The following TSPAN2 variants were observed in gnomAD, a reference collection of about 807,000 sequenced individuals.
TSPAN2 encodes the protein tetraspanin-2.
In TSPAN2, 24 loss-of-function variants were observed where a neutral mutation model predicts 33.3. The ratio of observed to expected loss-of-function variants is 0.72; its 90% CI spans 0.52 to 1.01. TSPAN2 has a LOEUF of 1.01. Among genes scored for constraint, TSPAN2 ranks in the 50% least tolerant of loss-of-function variants. TSPAN2 has a pLI of 0.00. For synonymous variants in TSPAN2, 114 were observed against 104.5 expected (o/e 1.09, Z -0.56); for missense variants, 278 against 281.3 (o/e 0.99, Z 0.08).
chr1:115,070,797 C>T (rs762509445), intron 2 of TSPAN2, among the ~76,000 whole-genome samples: 22 of 152,178 alleles, frequency 1.4e-4, no homozygotes, highest in Non-Finnish European at 2.9e-5. Flanking sequence ...ACTTAGCTGG[C>T]ATTTAGTCAC....
intron 6 of TSPAN2, among the ~76,000 whole-genome samples, chr1:115,055,171 A>G (rs532011925): frequency 6.6e-6 from 1 of 152,262 alleles, no homozygotes; most frequent in South Asian, 2.1e-4. Context: ...AATCAAAACA[A>G]ACAAAACAAC....
At chr1:115,051,233 C>A (rs1675307377) in intron 7 of TSPAN2, among the ~76,000 whole-genome samples, 1 of 151,944 alleles carries the variant, frequency 6.6e-6, no homozygotes, top group African/African-American at 2.4e-5. Flanking sequence ...TTATTGAGCC[C>A]AGGAGGTCGA....
chr1:115,053,286 C>T (rs917104790), intron 7 of TSPAN2, 93 bp downstream of exon 7: 1 of 1,116,772 alleles, frequency 9.0e-7, no homozygotes, highest in South Asian at 1.4e-5. Context: ...TGAGAATTCT[C>T]TCTTAAGATA....
intron 3 of TSPAN2, among the ~76,000 whole-genome samples, chr1:115,061,885 C>A (rs1647739477): frequency 6.6e-6 from 1 of 152,190 alleles, no homozygotes; most frequent in Non-Finnish European, 1.5e-5. Flanking sequence ...AACTCCTGGG[C>A]TCCAGAGATC....
intron 3 of TSPAN2, among the ~76,000 whole-genome samples, chr1:115,061,598 A>C (rs932543219): frequency 1.3e-5 from 2 of 152,202 alleles, no homozygotes; most frequent in Non-Finnish European, 2.9e-5. Flanking sequence ...TTTTACTCCC[A>C]AAACATCTTT....
intron 2 of TSPAN2, among the ~76,000 whole-genome samples, chr1:115,062,637 T>C (rs1303428578): frequency 6.6e-6 from 1 of 152,258 alleles, no homozygotes; most frequent in Non-Finnish European, 1.5e-5. Context: ...TTTTTGTATT[T>C]CCTTCTCTGA....
intron 1 of TSPAN2, among the ~76,000 whole-genome samples, chr1:115,074,771 A>G (rs1421998760): frequency 6.6e-6 from 1 of 152,056 alleles, no homozygotes. Flanking sequence ...AAGTGGGGAG[A>G]GTCTTCTTGG....
Position 115,070,462 on chromosome 1 carries a change from A to AC in TSPAN2, c.172+2442dup, listed in dbSNP as rs1299881225. ...TAAAGTACAGTGCAGATCATACCCT[A>AC]CCCCCGGCCCCAAATCATTCTTCTA... On this transcript the variant is annotated intron_variant, in intron 2 of 7. Transcript: ENST00000369516. Among the ~76,000 whole-genome samples the AC allele has an allele frequency of 2.8e-5, 4 of 142,492 alleles. 2 individuals carry two copies. The highest frequency in any genetic ancestry group is 1.1e-4 in the African/African-American group (4 of 37,756). The allele number at this position is 142,492 out of a possible 152,430, so 93.5% of individuals were successfully genotyped here.
At chr1:115,055,761 A>G (rs1647395212) in intron 6 of TSPAN2, among the ~76,000 whole-genome samples, 1 of 152,242 alleles carries the variant, frequency 6.6e-6, no homozygotes, top group Middle Eastern at 3.4e-3. Flanking sequence ...AGCTCAGGCA[A>G]TCTGCCTGCC....
At position 115,072,955 on chromosome 1, in the gene TSPAN2, G is replaced by C; in HGVS notation, c.122C>G (p.Ala41Gly). 1 of 1,614,126 alleles carries C rather than the reference G, an allele frequency of 6.2e-7. No homozygotes were observed. Among genetic ancestry groups the C allele is most frequent in the Non-Finnish European group, 8.5e-7 (1 of 1,180,008 alleles). Residue 41 changes from alanine to glycine, a missense_variant, in exon 2 of 8, where the codon GCC becomes GGC. Transcript: ENST00000369516. ...AFGLWFRFGG[A>G]IKELSSEDKS... The stretch of plus-strand genomic sequence containing the variant: ...GTCCTCTGATGATAACTCCTTTATG[G>C]CACCTCCGAACCGAAACCATAGTCC...
chr1:115,062,828 C>A (rs1211659814), intron 2 of TSPAN2, among the ~76,000 whole-genome samples: 1 of 152,228 alleles, frequency 6.6e-6, no homozygotes, highest in African/African-American at 2.4e-5. Flanking sequence ...GCCTGGCATT[C>A]AGGGTGCTTC....
At chr1:115,060,160 T>G (rs1420678165) in intron 4 of TSPAN2, among the ~76,000 whole-genome samples, 3 of 152,168 alleles carry the variant, frequency 2.0e-5, no homozygotes, top group Non-Finnish European at 2.9e-5. Context: ...GTACTCTAAC[T>G]GTTACCCCAT....
At chr1:115,076,836 A>T (rs775521657) in intron 1 of TSPAN2, among the ~76,000 whole-genome samples, 1 of 152,106 alleles carries the variant, frequency 6.6e-6, no homozygotes, top group East Asian at 1.9e-4. Context: ...GAGGGAATCC[A>T]ACCCTGCAGG....
intron 1 of TSPAN2, among the ~76,000 whole-genome samples, chr1:115,075,710 C>G (rs149443724): frequency 0.015 from 2,227 of 152,272 alleles, 29 homozygotes; most frequent in Middle Eastern, 0.071. Flanking sequence ...AGTCTTCAAA[C>G]TCTCTAATCC....
intron 4 of TSPAN2, among the ~76,000 whole-genome samples, chr1:115,059,968 G>A (rs574008846): frequency 1.3e-5 from 2 of 152,098 alleles, no homozygotes; most frequent in South Asian, 4.1e-4. Flanking sequence ...TACTTCCTCT[G>A]TGTGTCCCCC....
intron 1 of TSPAN2, among the ~76,000 whole-genome samples, chr1:115,088,029 T>TA (rs1440984956): frequency 6.6e-6 from 1 of 152,184 alleles, no homozygotes; most frequent in East Asian, 1.9e-4. Context: ...GCCAGATTCC[T>TA]AAAAAATACA....
chr1:115,085,465 G>C (rs1648797183), intron 1 of TSPAN2, among the ~76,000 whole-genome samples: 1 of 152,144 alleles, frequency 6.6e-6, no homozygotes, highest in South Asian at 2.1e-4. Context: ...AACAGAACCT[G>C]TCCCACCTCT....
intron 4 of TSPAN2, among the ~76,000 whole-genome samples, chr1:115,059,364 G>A (rs1351302458): frequency 1.3e-5 from 2 of 152,174 alleles, no homozygotes; most frequent in Non-Finnish European, 2.9e-5. Context: ...GAGTTTCTAA[G>A]ATGCTTTTGA....
At chr1:115,083,629 A>G (rs1406860) in intron 1 of TSPAN2, among the ~76,000 whole-genome samples, 93,118 of 152,062 alleles carry the variant, frequency 0.61, 29,352 homozygotes, top group Non-Finnish European at 0.7. Context: ...AATCCGAATA[A>G]AGCTGAATAA....
Sources: allele counts gnomAD v4.1 joint callset (sites outside exome capture counted in the v4.1 genomes callset), GRCh38; gene constraint gnomAD v4.1.1; transcripts MANE v1.5; gene names NCBI Gene and HGNC (gene_info 2026-07-23, HGNC 2026-07-21).